Variants in ERP44 observed in about 807,000 individuals in gnomAD.
ERP44 encodes endoplasmic reticulum resident protein 44.
A neutral mutation model predicts 53.4 loss-of-function variants in ERP44; 25 were observed. The observed-to-expected ratio is 0.47, with a 90% CI of 0.34 to 0.65. The LOEUF (loss-of-function observed/expected upper bound fraction) is 0.65. Among genes scored for constraint, ERP44 ranks in the 30% least tolerant of loss-of-function variants. The pLI is 0.01. For synonymous variants in ERP44, 145 were observed against 161.2 expected (o/e 0.90, Z 0.76); for missense variants, 338 against 493.2 (o/e 0.69, Z 2.98).
At chr9:100,001,637 T>C (rs529639206) in intron 10 of ERP44, among the ~76,000 whole-genome samples, 1 of 152,318 alleles carries the variant, frequency 6.6e-6, no homozygotes, top group East Asian at 1.9e-4. Flanking sequence ...ATAGCTACCC[T>C]GCCCTCTTTT....
At chr9:100,096,703 G>GA (rs1483939922) in intron 1 of ERP44, among the ~76,000 whole-genome samples, 1 of 152,046 alleles carries the variant, frequency 6.6e-6, no homozygotes, top group Non-Finnish European at 1.5e-5. Context: ...GCCATTTAAG[G>GA]AAAAAATGAT....
At chr9:100,076,897 CATGGTGGCAGGG>C (rs1564104348) in intron 1 of ERP44, among the ~76,000 whole-genome samples, 1 of 152,218 alleles carries the variant, frequency 6.6e-6, no homozygotes, top group Non-Finnish European at 1.5e-5. Flanking sequence ...ACAAAGTGGC[CATGGTGGCAGGG>C]ATGGAGGTTA....
chr9:100,013,803 A>G (rs990334054), intron 8 of ERP44, among the ~76,000 whole-genome samples: 1 of 152,206 alleles, frequency 6.6e-6, no homozygotes, highest in Non-Finnish European at 1.5e-5. Flanking sequence ...ATATATATCC[A>G]GTAGAAATCT....
chr9:100,044,503 G>T (rs1227649113), intron 4 of ERP44, among the ~76,000 whole-genome samples: 1 of 151,776 alleles, frequency 6.6e-6, no homozygotes, highest in Non-Finnish European at 1.5e-5. Context: ...CAACCACACA[G>T]AGAACTGTGG....
intron 1 of ERP44, among the ~76,000 whole-genome samples, chr9:100,080,372 A>T (rs979814371): frequency 2.0e-5 from 3 of 152,142 alleles, no homozygotes; most frequent in Non-Finnish European, 4.4e-5. Flanking sequence ...CTACAAATTG[A>T]TGAAAATTCT....
chr9:100,079,159 G>A (rs1229728075), intron 1 of ERP44, among the ~76,000 whole-genome samples: 1 of 152,116 alleles, frequency 6.6e-6, no homozygotes, highest in Admixed American at 6.6e-5. Context: ...CCCCTAATCT[G>A]GGTGGGCACT....
chr9:99,990,828 A>C (rs567518956), intron 10 of ERP44, among the ~76,000 whole-genome samples: 1 of 152,354 alleles, frequency 6.6e-6, no homozygotes, highest in East Asian at 1.9e-4. Flanking sequence ...AGATCTACCA[A>C]GAAAATGGAA....
At position 100,014,314 on chromosome 9, in the gene ERP44, C is replaced by T. The variant is rs1830507110; in HGVS notation, c.762+2008G>A. Among the ~76,000 whole-genome samples, 3 of 152,162 alleles carry T rather than the reference C, an allele frequency of 2.0e-5. No individual in the cohort carries two copies. The South Asian group carries it at 6.2e-4, about 32-fold the overall frequency. On this transcript the variant is annotated intron_variant, in intron 8 of 11. Coordinates refer to ENST00000262455, the MANE Select transcript of ERP44 (RefSeq NM_015051.3). ...TTTTTCTTTTTTGGAGGGACGGGGTCTCACTCTGTCGCCCAGGCTGGAGTG... is the reference window on the plus strand; with the variant it reads ...TTTTTCTTTTTTGGAGGGACGGGGTTTCACTCTGTCGCCCAGGCTGGAGTG...
chr9:100,033,157 C>T (rs950360749), intron 4 of ERP44, among the ~76,000 whole-genome samples: 6 of 152,306 alleles, frequency 3.9e-5, no homozygotes, highest in African/African-American at 1.4e-4. Flanking sequence ...CAATTATTTG[C>T]ATAAGTGCAA....
chr9:100,052,647 T>C lies in ERP44; in HGVS notation c.171-115A>G, dbSNP rs1049634685. The C allele has an allele frequency of 7.7e-6, 4 of 520,960 alleles. No individual in the cohort carries two copies. In the Admixed American group the frequency reaches 9.9e-5, roughly 13 times the overall value. The allele number at this position is 520,960 out of a possible 1,614,324, so 32.3% of individuals were successfully genotyped here. A position where few individuals can be genotyped will look rare whatever the true frequency, so the allele number is the denominator to read the frequency against. On this transcript the variant is annotated intron_variant, in intron 3 of 11. Transcript: ENST00000262455. The stretch of plus-strand genomic sequence containing the variant: ...CATAATAAACGACTCTGCGAGATAA[T>C]CACACACTTAATTTAATCATGGACC...
intron 4 of ERP44, among the ~76,000 whole-genome samples, chr9:100,046,356 T>A (rs1446272762): frequency 1.3e-5 from 2 of 152,134 alleles, no homozygotes; most frequent in Non-Finnish European, 2.9e-5. Flanking sequence ...GGAAGAGGGA[T>A]AAAATCCAAA....
intron 4 of ERP44, among the ~76,000 whole-genome samples, chr9:100,029,120 T>C (rs1172762567): frequency 6.6e-6 from 1 of 152,064 alleles, no homozygotes; most frequent in Admixed American, 6.5e-5. Flanking sequence ...CATTGGTCTG[T>C]GCAAAGATTT....
chr9:100,002,113 G>T (rs1357017235), intron 10 of ERP44, among the ~76,000 whole-genome samples: 2 of 114,734 alleles, frequency 1.7e-5, no homozygotes, highest in African/African-American at 3.4e-5. Context: ...ATTTTAAGCT[G>T]ATAAAAACTT....
At chr9:100,028,226 G>A (rs189907517) in intron 4 of ERP44, among the ~76,000 whole-genome samples, 86 of 152,302 alleles carry the variant, frequency 5.6e-4, no homozygotes, top group African/African-American at 2.1e-3. Context: ...AAAAACACAA[G>A]TGTGGGTCTG....
intron 3 of ERP44, among the ~76,000 whole-genome samples, chr9:100,057,516 C>G (rs543778260): frequency 6.6e-6 from 1 of 152,310 alleles, no homozygotes; most frequent in South Asian, 2.1e-4. Flanking sequence ...TACCCTTCTT[C>G]CACAGTCAGG....
intron 1 of ERP44, among the ~76,000 whole-genome samples, chr9:100,083,779 C>G (rs1178488581): frequency 1.3e-5 from 2 of 152,162 alleles, no homozygotes; most frequent in East Asian, 1.9e-4. Context: ...CCTAGCTACT[C>G]CAATCTATAG....
chr9:100,075,050 T>G (rs1260700186), intron 1 of ERP44, among the ~76,000 whole-genome samples: 1 of 152,188 alleles, frequency 6.6e-6, no homozygotes, highest in Non-Finnish European at 1.5e-5. Flanking sequence ...AGAAAAATGG[T>G]AAGTCAAAAA....
intron 1 of ERP44, among the ~76,000 whole-genome samples, chr9:100,067,048 C>T (rs1826217702): frequency 6.6e-6 from 1 of 152,172 alleles, no homozygotes; most frequent in Admixed American, 6.5e-5. Flanking sequence ...CCATCTTGGT[C>T]ATGTGAGAAC....
intron 1 of ERP44, among the ~76,000 whole-genome samples, chr9:100,090,984 A>T (rs964780314): frequency 1.3e-5 from 2 of 152,200 alleles, no homozygotes; most frequent in African/African-American, 4.8e-5. Flanking sequence ...CAAAGGTCCC[A>T]CTACTAGACT....
Sources: allele counts gnomAD v4.1 joint callset (sites outside exome capture counted in the v4.1 genomes callset), GRCh38; gene constraint gnomAD v4.1.1; transcripts MANE v1.5; gene names NCBI Gene and HGNC (gene_info 2026-07-23, HGNC 2026-07-21).